Variants in LDHAL6A observed in about 807,000 individuals in gnomAD.
The protein encoded by LDHAL6A is lactate dehydrogenase A like 6A.
Under a neutral mutation model 28.2 loss-of-function variants are expected in LDHAL6A, and 19 were observed. That is an observed-to-expected ratio of 0.67 (90% confidence interval 0.47 to 0.99). LDHAL6A has a LOEUF of 0.99. Among genes scored for constraint, LDHAL6A ranks in the 50% least tolerant of loss-of-function variants. LDHAL6A has a pLI of 0.00. For synonymous variants in LDHAL6A, 144 were observed against 134.4 expected, an observed-to-expected ratio of 1.07 and a Z score of -0.49; for missense variants, 372 against 398.6, an observed-to-expected ratio of 0.93 and a Z score of 0.57.
intron 1 of LDHAL6A, among the ~76,000 whole-genome samples, chr11:18,463,398 G>A (rs1848975448): frequency 1.3e-5 from 2 of 152,098 alleles, no homozygotes; most frequent in African/African-American, 4.8e-5. Flanking sequence ...ACCATATGGC[G>A]GCCCCCTGAC....
At chr11:18,461,617 A>G (rs905448149) in intron 1 of LDHAL6A, among the ~76,000 whole-genome samples, 5 of 151,700 alleles carry the variant, frequency 3.3e-5, no homozygotes, top group African/African-American at 4.8e-5. Flanking sequence ...TTGGGAGGCC[A>G]TGGCAGGCAA....
chr11:18,470,947 A>C (rs1048387710), intron 3 of LDHAL6A, among the ~76,000 whole-genome samples: 1 of 152,164 alleles, frequency 6.6e-6, no homozygotes, highest in Non-Finnish European at 1.5e-5. Context: ...TCAGCCTCCC[A>C]AAGTGCTGGG....
chr11:18,466,935 A>G (rs181615166), intron 3 of LDHAL6A, among the ~76,000 whole-genome samples: 4 of 152,202 alleles, frequency 2.6e-5, no homozygotes, highest in African/African-American at 9.6e-5. Context: ...AATAACTTCG[A>G]GAGTTTTTCC....
rs377251361 is a variant in LDHAL6A, at chr11:18,476,464, G to A, written c.673G>A (p.Glu225Lys). The A allele has an allele frequency of 3.5e-5, 57 of 1,613,954 alleles. No homozygotes were observed. In the African/African-American group the frequency reaches 6.7e-4, roughly 19 times the overall value. The part of the protein sequence containing the change: ...NPDIGTDKDP[E>K]QWENVHKKVI... ...AGATATAGGAACTGATAAAGATCCTGAGCAGTGGGAAAATGTCCACAAAAA... is the reference window on the plus strand; with the variant it reads ...AGATATAGGAACTGATAAAGATCCTAAGCAGTGGGAAAATGTCCACAAAAA... Residue 225 changes from glutamate (E) to lysine (K), a missense_variant, in exon 5 of 7, where the codon GAG becomes AAG. Physicochemically the swap from Glu to Lys is moderately conservative, Grantham distance 56. This residue lies in a region of LDHAL6A where 291 missense variants were observed against 302.9 expected (regional missense o/e 0.96). Transcript: ENST00000280706.
chr11:18,469,636 G>T (rs916433991), intron 3 of LDHAL6A, among the ~76,000 whole-genome samples: 9 of 152,150 alleles, frequency 5.9e-5, no homozygotes, highest in Non-Finnish European at 1.2e-4. Context: ...GCTTGACAGT[G>T]TATGCAGTTA....
chr11:18,467,477 C>A (rs997048340), intron 3 of LDHAL6A, among the ~76,000 whole-genome samples: 1 of 152,060 alleles, frequency 6.6e-6, no homozygotes, highest in Non-Finnish European at 1.5e-5. Context: ...AAGCTCAACT[C>A]CATAGTAGTA....
Position 18,475,654 on chromosome 11 carries a change from C to G in LDHAL6A, c.592+15C>G. On this transcript the variant is annotated intron_variant, in intron 4 of 6. Coordinates refer to ENST00000280706, the MANE Select transcript of LDHAL6A (RefSeq NM_144972.5). ...CGACTCAAGTGGTAAGCCTGAGGCACGATTGAGCCTCTGAAATATCTATTT... is the reference window on the plus strand; with the variant it reads ...CGACTCAAGTGGTAAGCCTGAGGCAGGATTGAGCCTCTGAAATATCTATTT... 6.3e-7 allele frequency: 1 copy of G among 1,599,222 alleles called. No homozygotes were observed. The highest frequency in any genetic ancestry group is 2.2e-5 in the East Asian group (1 of 44,632).
intron 2 of LDHAL6A, among the ~76,000 whole-genome samples, chr11:18,464,945 A>G (rs1271616771): frequency 6.8e-6 from 1 of 147,512 alleles, no homozygotes; most frequent in Non-Finnish European, 1.5e-5. Context: ...AAATAATACA[A>G]AAGGTATTTT....
chr11:18,475,020 CA>C (rs565037071), intron 3 of LDHAL6A, among the ~76,000 whole-genome samples: 167 of 152,312 alleles, frequency 1.1e-3, no homozygotes, highest in African/African-American at 3.8e-3. Flanking sequence ...GTAGGTGAAT[CA>C]CCTGAGGTCA....
At position 18,467,980 on chromosome 11, in the gene LDHAL6A, CGTATATATATGCATATATAT is replaced by C. The variant is rs1565071449; in HGVS notation, c.418+2171_418+2190del. On this transcript the variant is annotated intron_variant, in intron 3 of 6. Transcript: ENST00000280706. ...ACGTATATATATACGTATATATATA[CGTATATATATGCATATATAT>C]ACGTATATATATACATATATATACG... Among the ~76,000 whole-genome samples the C allele has an allele frequency of 8.4e-4, 40 of 47,834 alleles. 1 individual carries two copies. Among genetic ancestry groups the C allele is most frequent in the African/African-American group, 4.7e-3 (34 of 7,164 alleles). 31.4% of individuals were successfully genotyped at this position (47,834 alleles called of 152,430 possible).
intron 2 of LDHAL6A, among the ~76,000 whole-genome samples, chr11:18,464,977 G>GTGTTTTTTTTTTTT (rs1849013557): frequency 8.0e-6 from 1 of 125,490 alleles, no homozygotes; most frequent in African/African-American, 3.4e-5. Context: ...TGTTTTTTTT[G>GTGTTTTTTTTTTTT]TTTTTTTTTG....
intron 2 of LDHAL6A, 92 bp from the exon 3 acceptor site, chr11:18,465,545 A>G: frequency 9.7e-7 from 1 of 1,033,824 alleles, no homozygotes; most frequent in Non-Finnish European, 1.4e-6. Flanking sequence ...CTCTTTGGTA[A>G]ACATAGTGTG....
intron 3 of LDHAL6A, 132 bp downstream of exon 3, chr11:18,465,942 T>A: frequency 1.6e-6 from 1 of 643,428 alleles, no homozygotes; most frequent in Non-Finnish European, 2.6e-6. Context: ...CTGAGCAAAG[T>A]ACCTAATAGT....
intron 3 of LDHAL6A, chr11:18,468,659 T>TA (rs1371259217): frequency 2.0e-5 from 3 of 152,262 alleles, no homozygotes; most frequent in African/African-American, 7.2e-5. Context: ...AATGTTTTTC[T>TA]ATTTGGGAAG....
chr11:18,471,235 G>A (rs1337926012), intron 3 of LDHAL6A, among the ~76,000 whole-genome samples: 1 of 145,572 alleles, frequency 6.9e-6, no homozygotes, highest in Non-Finnish European at 1.5e-5. Flanking sequence ...TTTGAGAGAG[G>A]GTTTTGCTCT....
At chr11:18,470,854 T>G (rs938861018) in intron 3 of LDHAL6A, among the ~76,000 whole-genome samples, 3 of 151,914 alleles carry the variant, frequency 2.0e-5, no homozygotes, top group African/African-American at 7.3e-5. Flanking sequence ...GCCCAGCTAA[T>G]TTTTGTATTT....
chr11:18,472,184 C>T lies in LDHAL6A; in HGVS notation c.419-3282C>T, dbSNP rs537561907. ...AGGGCCTGGCAGAGGTCCCCCAATCCCCTTGAGTTTCAGTGGCAGTTGACG... is the reference window on the plus strand; with the variant it reads ...AGGGCCTGGCAGAGGTCCCCCAATCTCCTTGAGTTTCAGTGGCAGTTGACG... On this transcript the variant is annotated intron_variant, in intron 3 of 6. Transcript: ENST00000280706. Among the ~76,000 whole-genome samples, 7 of 152,108 alleles carry T rather than the reference C, an allele frequency of 4.6e-5. No individual in the cohort carries two copies. In the South Asian group the frequency reaches 1.2e-3, roughly 27 times the overall value.
rs183737603 is a variant in LDHAL6A at position 18,476,527 on chromosome 11, G to A, written c.710+26G>A. Reference sequence around the variant, plus strand: ...GTAATATGCTAGTTTCACATTTTCAGTACCTTAGAAGTTGTGAGCCTGAAC... The same window carrying A: ...GTAATATGCTAGTTTCACATTTTCAATACCTTAGAAGTTGTGAGCCTGAAC... On this transcript the variant is annotated intron_variant, in intron 5 of 6. Coordinates refer to ENST00000280706, the MANE Select transcript of LDHAL6A (RefSeq NM_144972.5). The A allele has an allele frequency of 1.7e-4, 274 of 1,610,700 alleles. 2 individuals are homozygous for A. The Middle Eastern group carries it at 6.8e-3, about 40-fold the overall frequency.
chr11:18,466,909 A>G (rs1489070375), intron 3 of LDHAL6A, among the ~76,000 whole-genome samples: 2 of 152,172 alleles, frequency 1.3e-5, no homozygotes, highest in Admixed American at 6.6e-5. Context: ...CTAGTGAGAG[A>G]AAGGGAGGAA....
Sources: gnomAD v4.1 joint callset for allele counts (sites outside exome capture counted in the v4.1 genomes callset) on GRCh38, gnomAD v4.1.1 for gene constraint, gnomAD v4.1.1 regional missense constraint, MANE v1.5 for transcripts, NCBI Gene and HGNC (gene_info 2026-07-23, HGNC 2026-07-21) for gene names.